Variants in COL26A1 observed in about 807,000 individuals in gnomAD.
COL26A1 encodes the protein collagen alpha-1(XXVI) chain.
A neutral mutation model predicts 59.3 loss-of-function variants in COL26A1; 41 were observed. The ratio of observed to expected loss-of-function variants is 0.69; its 90% confidence interval spans 0.54 to 0.90. The LOEUF is 0.90. Ranked by LOEUF, COL26A1 falls within the 40% of genes least tolerant of loss-of-function variation. The pLI is 0.00. For synonymous variants in COL26A1, 266 were observed against 256.0 expected, an observed-to-expected ratio of 1.04 and a Z score of -0.37; for missense variants, 612 against 602.3, an observed-to-expected ratio of 1.02 and a Z score of -0.17.
intron 3 of COL26A1, among the ~76,000 whole-genome samples, chr7:101,500,337 AC>A (rs1361649374): frequency 6.6e-6 from 1 of 152,072 alleles, no homozygotes; most frequent in Non-Finnish European, 1.5e-5. Flanking sequence ...TTGGAGGGAC[AC>A]CCCTACCCCC....
At chr7:101,490,735 A>G (rs982365445) in intron 3 of COL26A1, among the ~76,000 whole-genome samples, 4 of 151,448 alleles carry the variant, frequency 2.6e-5, no homozygotes, top group Admixed American at 2.6e-4. Flanking sequence ...ACCATGGCTC[A>G]TGCCTGTAAT....
At chr7:101,551,292 G>C in intron 10 of COL26A1, 149 bp downstream of exon 10, 1 of 843,816 alleles carries the variant, frequency 1.2e-6, no homozygotes, top group Non-Finnish European at 1.9e-6. Context: ...ACTGAGAAAG[G>C]ACTCAAATCG....
chr7:101,421,786 G>A (rs1166481906), intron 2 of COL26A1, among the ~76,000 whole-genome samples: 5 of 152,022 alleles, frequency 3.3e-5, no homozygotes, highest in Admixed American at 3.3e-4. Flanking sequence ...GTATGTTGTG[G>A]GGAGACATTT....
chr7:101,421,312 C>T (rs1197140727), intron 2 of COL26A1, among the ~76,000 whole-genome samples: 1 of 152,142 alleles, frequency 6.6e-6, no homozygotes, highest in Non-Finnish European at 1.5e-5. Flanking sequence ...TTCTTAAAGC[C>T]TTCGACTGAT....
In COL26A1 at chr7:101,555,343, C is replaced by T. The variant is rs1022817534; in HGVS notation, c.1081-444C>T. Among the ~76,000 whole-genome samples, 3 of 152,126 alleles carry T rather than the reference C, an allele frequency of 2.0e-5. 1 individual carries two copies. The highest frequency in any genetic ancestry group is 2.4e-5 in the African/African-American group (1 of 41,408). On this transcript the variant is annotated intron_variant, in intron 11 of 12. Transcript: ENST00000313669. ...CTGCCCCTTGCCTGCTGTTTGGTGG[C>T]GAGCTCTTGGGCATTCAAGGAAGGA...
intron 3 of COL26A1, among the ~76,000 whole-genome samples, chr7:101,488,637 A>T (rs1295920395): frequency 6.6e-6 from 1 of 151,906 alleles, no homozygotes; most frequent in Non-Finnish European, 1.5e-5. Flanking sequence ...CGGCCTCCCA[A>T]AGCGCTAGGA....
chr7:101,515,353 C>G (rs35117628), intron 3 of COL26A1, among the ~76,000 whole-genome samples: 19,830 of 151,858 alleles, frequency 0.13, 1,345 homozygotes, highest in Middle Eastern at 0.19. Context: ...GTGGCGCGAT[C>G]GGCTCGCTGC....
intron 1 of COL26A1, among the ~76,000 whole-genome samples, chr7:101,380,173 G>T (rs998987537): frequency 6.6e-6 from 1 of 151,920 alleles, no homozygotes; most frequent in Non-Finnish European, 1.5e-5. Flanking sequence ...TGTATTTTTA[G>T]TAGTGATGGG....
chr7:101,389,325 G>A (rs1416355092), intron 1 of COL26A1, among the ~76,000 whole-genome samples: 1 of 151,522 alleles, frequency 6.6e-6, no homozygotes, highest in Admixed American at 6.6e-5. Flanking sequence ...TGAGTTGTAG[G>A]AGTTCCTTAT....
intron 2 of COL26A1, among the ~76,000 whole-genome samples, chr7:101,425,368 G>A (rs891981865): frequency 6.2e-4 from 95 of 152,266 alleles, no homozygotes; most frequent in African/African-American, 2.1e-3. Flanking sequence ...CTGCTAGTCT[G>A]GGAGCCTTAG....
At chr7:101,481,519 T>A (rs1248144158) in intron 3 of COL26A1, among the ~76,000 whole-genome samples, 1 of 151,568 alleles carries the variant, frequency 6.6e-6, no homozygotes, top group East Asian at 1.9e-4. Flanking sequence ...GGCACGGTCA[T>A]AGCTCACTGC....
intron 3 of COL26A1, among the ~76,000 whole-genome samples, chr7:101,500,093 G>A (rs1029844989): frequency 6.6e-6 from 1 of 152,156 alleles, no homozygotes; most frequent in Non-Finnish European, 1.5e-5. Context: ...CTTGGTTCAG[G>A]ATTGAACCTG....
intron 3 of COL26A1, among the ~76,000 whole-genome samples, chr7:101,448,037 A>G (rs992314585): frequency 1.3e-4 from 20 of 152,232 alleles, no homozygotes; most frequent in Non-Finnish European, 2.9e-4. Flanking sequence ...TACAGAAGCC[A>G]AAAACAGCAC....
intron 4 of COL26A1, among the ~76,000 whole-genome samples, chr7:101,538,778 A>C (rs1795539047): frequency 6.6e-6 from 1 of 152,136 alleles, no homozygotes; most frequent in African/African-American, 2.4e-5. Context: ...AGAGCAGGCC[A>C]CTTTGTCCCC....
chr7:101,375,541 A>T (rs1791294916), intron 1 of COL26A1, among the ~76,000 whole-genome samples: 1 of 151,866 alleles, frequency 6.6e-6, no homozygotes, highest in South Asian at 2.1e-4. Context: ...ACAAAAAAAT[A>T]AAATAAAAAT....
intron 1 of COL26A1, among the ~76,000 whole-genome samples, chr7:101,401,847 A>C (rs555813294): frequency 1.9e-4 from 29 of 152,192 alleles, no homozygotes; most frequent in African/African-American, 6.7e-4. Context: ...AACCCAGGAC[A>C]CCACCTCTTG....
At chr7:101,438,146 G>A (rs142265980) in intron 2 of COL26A1, among the ~76,000 whole-genome samples, 1,766 of 151,528 alleles carry the variant, frequency 0.012, 37 homozygotes, top group African/African-American at 0.039. Context: ...CGGATCACCT[G>A]AGGTCGGGAG....
chr7:101,401,563 AGAGAAAGAGGAG>A (rs1329539431), intron 1 of COL26A1, among the ~76,000 whole-genome samples: 20 of 145,900 alleles, frequency 1.4e-4, no homozygotes, highest in Non-Finnish European at 1.5e-5. Flanking sequence ...AGGAGGAAGA[AGAGAAAGAGGAG>A]GAGGAAAAGG....
chr7:101,489,710 TTTCA>T lies in COL26A1; in HGVS notation c.385+41927_385+41930del. ...CTTTCTTTCTTTCTGTCTTTCTTTC[TTTCA>T]TTCTTTCTTTCTCTCTCTCTTTCTC... On this transcript the variant is annotated intron_variant, in intron 3 of 12. Transcript: ENST00000313669. Among the ~76,000 whole-genome samples the T allele has an allele frequency of 5.5e-5, 5 of 90,260 alleles. 1 individual carries two copies. The highest frequency in any genetic ancestry group is 3.1e-4 in the African/African-American group (5 of 15,888). The allele number at this position is 90,260 out of a possible 152,430, so 59.2% of individuals were successfully genotyped here. A position where few individuals can be genotyped will look rare whatever the true frequency, so the allele number is the denominator to read the frequency against.
Sources: gnomAD v4.1 joint callset for allele counts (sites outside exome capture counted in the v4.1 genomes callset) on GRCh38, gnomAD v4.1.1 for gene constraint, MANE v1.5 for transcripts, NCBI Gene and HGNC (gene_info 2026-07-23, HGNC 2026-07-21) for gene names.